Variants in CNTN4 observed in about 807,000 individuals in gnomAD.
The protein encoded by CNTN4 is contactin 4, also known as contactin-4.
CNTN4 carries 77 observed loss-of-function variants against 122.5 expected under a neutral mutation model. The ratio of observed to expected loss-of-function variants is 0.63; its 90% CI spans 0.52 to 0.76. The LOEUF is 0.76. Among genes scored for constraint, CNTN4 ranks in the 30% least tolerant of loss-of-function variants. The pLI is 0.00. For missense variants in CNTN4, 1,256 were observed against 1,259.1 expected, an observed-to-expected ratio of 1.00 and a Z score of 0.04; for synonymous variants, 512 against 447.0, an observed-to-expected ratio of 1.15 and a Z score of -1.83.
intron 3 of CNTN4, among the ~76,000 whole-genome samples, chr3:2,521,974 T>TA (rs994590411): frequency 1.3e-5 from 2 of 152,200 alleles, no homozygotes; most frequent in African/African-American, 2.4e-5. Flanking sequence ...CGTGTGATCC[T>TA]AAAAAAAGAT....
At chr3:2,353,459 T>C (rs1352398313) in intron 3 of CNTN4, among the ~76,000 whole-genome samples, 1 of 152,128 alleles carries the variant, frequency 6.6e-6, no homozygotes, top group African/African-American at 2.4e-5. Context: ...TTGCAATAAA[T>C]CTTGCCGCTG....
chr3:2,261,965 C>T (rs184704351), intron 2 of CNTN4, among the ~76,000 whole-genome samples: 109 of 152,276 alleles, frequency 7.2e-4, no homozygotes, highest in African/African-American at 2.5e-3. Context: ...TGCAACTTGC[C>T]TCACAAATCA....
At chr3:3,004,168 A>G (rs1225605169) in intron 14 of CNTN4, among the ~76,000 whole-genome samples, 2 of 151,474 alleles carry the variant, frequency 1.3e-5, no homozygotes, top group Non-Finnish European at 2.9e-5. Flanking sequence ...AAAAAAAAAG[A>G]ATGAATGAAG....
intron 4 of CNTN4, among the ~76,000 whole-genome samples, chr3:2,711,373 G>A (rs1366934342): frequency 6.6e-6 from 1 of 152,070 alleles, no homozygotes; most frequent in Non-Finnish European, 1.5e-5. Context: ...TTTAAGAGCC[G>A]CTATGAATCT....
At chr3:2,587,976 G>A (rs2080279668) in intron 4 of CNTN4, among the ~76,000 whole-genome samples, 1 of 151,970 alleles carries the variant, frequency 6.6e-6, no homozygotes, top group South Asian at 2.1e-4. Flanking sequence ...GCACAAGTGA[G>A]CTTTCTAGGT....
intron 7 of CNTN4, among the ~76,000 whole-genome samples, chr3:2,832,101 C>T (rs141479243): frequency 3.2e-4 from 49 of 152,296 alleles, no homozygotes; most frequent in African/African-American, 1.0e-3. Flanking sequence ...TGTTCACTGT[C>T]TCTGCAAGCC....
intron 7 of CNTN4, among the ~76,000 whole-genome samples, chr3:2,850,893 T>C (rs2093538973): frequency 6.6e-6 from 1 of 152,174 alleles, no homozygotes; most frequent in Admixed American, 6.5e-5. Context: ...CTCCTTGATG[T>C]GTTGGAATAA....
At chr3:2,427,629 T>C (rs2047891428) in intron 3 of CNTN4, among the ~76,000 whole-genome samples, 1 of 152,200 alleles carries the variant, frequency 6.6e-6, no homozygotes, top group Non-Finnish European at 1.5e-5. Context: ...GATATCCTTG[T>C]TAATTTTCTG....
chr3:2,243,536 G>T (rs193178044), intron 2 of CNTN4, among the ~76,000 whole-genome samples: 64 of 152,000 alleles, frequency 4.2e-4, no homozygotes, highest in Non-Finnish European at 4.6e-4. Flanking sequence ...TAGCTCACCA[G>T]CTATCATTAG....
chr3:2,267,929 G>A (rs1307259960), intron 2 of CNTN4, among the ~76,000 whole-genome samples: 2 of 151,824 alleles, frequency 1.3e-5, no homozygotes, highest in Non-Finnish European at 2.9e-5. Flanking sequence ...TGACTTTTAC[G>A]CTAGAGTTAT....
chr3:3,001,795 A>T (rs1215332207), intron 14 of CNTN4, among the ~76,000 whole-genome samples: 13 of 152,206 alleles, frequency 8.5e-5, no homozygotes, highest in Non-Finnish European at 8.8e-5. Context: ...GAAGACGACT[A>T]CTAGAGAAGA....
intron 3 of CNTN4, among the ~76,000 whole-genome samples, chr3:2,488,737 GGACTT>G (rs1283341165): frequency 2.6e-5 from 4 of 152,148 alleles, no homozygotes; most frequent in African/African-American, 9.7e-5. Flanking sequence ...CATGAAAAGA[GGACTT>G]ACTGTGAACA....
intron 3 of CNTN4, among the ~76,000 whole-genome samples, chr3:2,377,699 A>C (rs927899725): frequency 1.3e-5 from 2 of 152,216 alleles, no homozygotes; most frequent in African/African-American, 4.8e-5. Flanking sequence ...TGTGGACCGC[A>C]TGTGGCCAAG....
chr3:2,159,679 T>C (rs1021259379), intron 2 of CNTN4, among the ~76,000 whole-genome samples: 2 of 151,188 alleles, frequency 1.3e-5, no homozygotes, highest in South Asian at 2.1e-4. Context: ...GTGGGCCATA[T>C]TTTTTTTTGC....
intron 3 of CNTN4, among the ~76,000 whole-genome samples, chr3:2,470,075 T>A (rs1008511881): frequency 3.9e-5 from 6 of 152,206 alleles, no homozygotes; most frequent in African/African-American, 1.2e-4. Flanking sequence ...GCTTTCTTTT[T>A]TTTTTTTGGA....
chr3:2,369,894 C>T (rs1234040515), intron 3 of CNTN4, among the ~76,000 whole-genome samples: 1 of 152,052 alleles, frequency 6.6e-6, no homozygotes, highest in African/African-American at 2.4e-5. Flanking sequence ...AATGATACTT[C>T]CCTCTTGAGA....
chr3:2,986,583 A>C (rs944270520), intron 13 of CNTN4, among the ~76,000 whole-genome samples: 2 of 152,210 alleles, frequency 1.3e-5, no homozygotes, highest in Non-Finnish European at 2.9e-5. Flanking sequence ...AGCATTTGCA[A>C]CCCAGCGCAT....
chr3:2,237,982 A>G (rs964863844), intron 2 of CNTN4, among the ~76,000 whole-genome samples: 4 of 152,132 alleles, frequency 2.6e-5, no homozygotes, highest in Admixed American at 2.6e-4. Flanking sequence ...GTCCTCTGTA[A>G]ATCCAGTGAA....
intron 2 of CNTN4, among the ~76,000 whole-genome samples, chr3:2,170,423 C>T (rs1402826410): frequency 6.6e-6 from 1 of 152,106 alleles, no homozygotes; most frequent in Admixed American, 6.5e-5. Flanking sequence ...AGGAAATCAT[C>T]AAGACCTACA....
Sources: gnomAD v4.1 joint callset for allele counts (sites outside exome capture counted in the v4.1 genomes callset) on GRCh38, gnomAD v4.1.1 for gene constraint, MANE v1.5 for transcripts, NCBI Gene and HGNC (gene_info 2026-07-23, HGNC 2026-07-21) for gene names.